OR3A2: variants seen among roughly 807,000 people sequenced by gnomAD.
OR3A2 encodes olfactory receptor 3A2.
For missense variants in OR3A2, 318 were observed against 392.8 expected, an observed-to-expected ratio of 0.81 and a Z score of 1.61; for synonymous variants, 126 against 159.3, an observed-to-expected ratio of 0.79 and a Z score of 1.57.
intron 1 of OR3A2, among the ~76,000 whole-genome samples, chr17:3,283,722 T>C (rs1356592839): frequency 6.6e-6 from 1 of 152,132 alleles, no homozygotes; most frequent in Non-Finnish European, 1.5e-5. Flanking sequence ...AAGCAGGTCA[T>C]GGACCAGTCC....
intron 3 of OR3A2, among the ~76,000 whole-genome samples, chr17:3,323,630 T>G (rs138557305): frequency 0.14 from 20,594 of 152,024 alleles, 1,758 homozygotes; most frequent in African/African-American, 0.23. Flanking sequence ...TTAGTTTGGC[T>G]GGATATGAAA....
chr17:3,366,456 A>G (rs2049564209), intron 2 of OR3A2, among the ~76,000 whole-genome samples: 2 of 152,240 alleles, frequency 1.3e-5, no homozygotes, highest in Admixed American at 1.3e-4. Flanking sequence ...CTTGTCATTT[A>G]TCATACCACA....
At chr17:3,363,359 G>A (rs988631886) in intron 2 of OR3A2, among the ~76,000 whole-genome samples, 1 of 151,778 alleles carries the variant, frequency 6.6e-6, no homozygotes, top group African/African-American at 2.4e-5. Flanking sequence ...CAAGTTCAAA[G>A]TTCCACAGAT....
chr17:3,347,724 T>G (rs576072077), intron 2 of OR3A2, among the ~76,000 whole-genome samples: 1 of 152,350 alleles, frequency 6.6e-6, no homozygotes, highest in Non-Finnish European at 1.5e-5. Flanking sequence ...TGTGTCTTTA[T>G]AGAAGCATGA....
intron 3 of OR3A2, among the ~76,000 whole-genome samples, chr17:3,295,972 T>G (rs2048915336): frequency 6.6e-6 from 1 of 152,142 alleles, no homozygotes; most frequent in Admixed American, 6.5e-5. Context: ...TTTTAGTGAC[T>G]TTCAGTCCAT....
intron 2 of OR3A2, among the ~76,000 whole-genome samples, chr17:3,348,767 A>T (rs1165855152): frequency 2.0e-5 from 3 of 152,204 alleles, no homozygotes; most frequent in Non-Finnish European, 4.4e-5. Flanking sequence ...AAAAATGTTA[A>T]GGGCAGCCAG....
rs3037631 is a variant in OR3A2 at position 3,355,428 on chromosome 17, TTCTCTCTCTCTCTCTC to T, written c.-178-19318_-178-19303del. Reference sequence around the variant, plus strand: ...TCTCCCACTATTATCATGTTGGCATTTCTCTCTCTCTCTCTCTCTCTCTCTCTCTCTCTTTAGCTCT... The same window carrying T: ...TCTCCCACTATTATCATGTTGGCATTTCTCTCTCTCTCTCTCTTTAGCTCT... On this transcript the variant is annotated intron_variant, in intron 2 of 4. Transcript: ENST00000573491. 4.3e-5 allele frequency among the ~76,000 whole-genome samples: 6 copies of T among 139,664 alleles called. No homozygotes were observed. The East Asian group carries it at 1.2e-3, about 28-fold the overall frequency. 91.6% of individuals were successfully genotyped at this position (139,664 alleles called of 152,430 possible).
Position 3,349,086 on chromosome 17 carries a change from T to G in OR3A2, c.-178-12960A>C, listed in dbSNP as rs1281588044. ...CAGCTGCTGCAAAATCATGCCAAAA[T>G]GTAAAGACCATTGAGACTAGGAAGA... On this transcript the variant is annotated intron_variant, in intron 2 of 4. Transcript: ENST00000573491. 3.3e-5 allele frequency among the ~76,000 whole-genome samples: 5 copies of G among 152,152 alleles called. No individual in the cohort carries two copies. In the South Asian group the frequency reaches 6.2e-4, roughly 19 times the overall value.
chr17:3,357,302 G>A (rs140389568), intron 2 of OR3A2, among the ~76,000 whole-genome samples: 140 of 151,718 alleles, frequency 9.2e-4, no homozygotes, highest in Admixed American at 1.7e-3. Flanking sequence ...CATGAGTGTC[G>A]TCTGGGGCTC....
At chr17:3,331,295 C>T (rs373504373) in intron 3 of OR3A2, among the ~76,000 whole-genome samples, 30 of 152,170 alleles carry the variant, frequency 2.0e-4, no homozygotes, top group African/African-American at 4.6e-4. Context: ...TCCTGGATAA[C>T]ATCCTGCAGA....
intron 2 of OR3A2, among the ~76,000 whole-genome samples, chr17:3,339,733 CT>C (rs1243993190): frequency 1.3e-5 from 2 of 151,912 alleles, no homozygotes; most frequent in Non-Finnish European, 2.9e-5. Context: ...GTCTAAAATT[CT>C]TTTTTTGTTG....
intron 2 of OR3A2, among the ~76,000 whole-genome samples, chr17:3,343,294 C>G (rs866154553): frequency 6.6e-6 from 1 of 152,170 alleles, no homozygotes; most frequent in South Asian, 2.1e-4. Context: ...ATGAGATGAA[C>G]CAGGTACCTC....
intron 2 of OR3A2, among the ~76,000 whole-genome samples, chr17:3,357,867 TTA>T (rs35445704): frequency 0.41 from 62,133 of 151,038 alleles, 13,419 homozygotes; most frequent in Admixed American, 0.52. Flanking sequence ...ATGGTGTATT[TTA>T]TGTTATGTAT....
At position 3,325,015 on chromosome 17, in the gene OR3A2, T is replaced by C. The variant is rs539926879; in HGVS notation, c.-85+11018A>G. On this transcript the variant is annotated intron_variant, in intron 3 of 4. Transcript: ENST00000573491. ...TTTACTTTATGACTTCTGTCTTTGCTGTTATGCTTGAAACTATTTCCCCAT... is the reference window on the plus strand; with the variant it reads ...TTTACTTTATGACTTCTGTCTTTGCCGTTATGCTTGAAACTATTTCCCCAT... Among the ~76,000 whole-genome samples the C allele has an allele frequency of 3.3e-5, 5 of 152,240 alleles. No individual in the cohort carries two copies. In the South Asian group the frequency reaches 1.0e-3, roughly 32 times the overall value.
chr17:3,347,302 G>C (rs1011878918), intron 2 of OR3A2, among the ~76,000 whole-genome samples: 11 of 151,814 alleles, frequency 7.2e-5, no homozygotes, highest in Non-Finnish European at 1.6e-4. Context: ...ATGCAGGTTA[G>C]TTACATATGT....
chr17:3,339,964 TATTCAGAG>T (rs2049303342), intron 2 of OR3A2, among the ~76,000 whole-genome samples: 1 of 152,228 alleles, frequency 6.6e-6, no homozygotes, highest in Non-Finnish European at 1.5e-5. Flanking sequence ...GTTATTGGTC[TATTCAGAG>T]ATTCAACTTC....
intron 3 of OR3A2, among the ~76,000 whole-genome samples, chr17:3,323,993 A>G (rs1285198126): frequency 2.6e-5 from 4 of 152,094 alleles, no homozygotes; most frequent in Non-Finnish European, 5.9e-5. Flanking sequence ...TTTCAGGTAC[A>G]CCAATCAGAC....
At chr17:3,334,941 G>A (rs985334167) in intron 3 of OR3A2, among the ~76,000 whole-genome samples, 3 of 152,120 alleles carry the variant, frequency 2.0e-5, no homozygotes, top group African/African-American at 7.2e-5. Context: ...CTCTTCAACA[G>A]GAAGGTGACA....
At chr17:3,333,979 A>G (rs369947) in intron 3 of OR3A2, among the ~76,000 whole-genome samples, 61,482 of 152,036 alleles carry the variant, frequency 0.4, 12,769 homozygotes, top group Admixed American at 0.52. Flanking sequence ...GAAGACATTC[A>G]TGCCGCCAAA....
Sources: gnomAD v4.1 joint callset for allele counts (sites outside exome capture counted in the v4.1 genomes callset) on GRCh38, gnomAD v4.1.1 for gene constraint, MANE v1.5 for transcripts, NCBI Gene and HGNC (gene_info 2026-07-23, HGNC 2026-07-21) for gene names.